CNTN5: variants seen among roughly 807,000 people sequenced by gnomAD.
CNTN5 encodes the protein contactin 5, also known as contactin-5.
A neutral mutation model predicts 129.1 loss-of-function variants in CNTN5; 77 were observed. The ratio of observed to expected loss-of-function variants is 0.60; its 90% confidence interval spans 0.50 to 0.72. The LOEUF (loss-of-function observed/expected upper bound fraction) is 0.72. CNTN5 is among the 30% of genes least tolerant of loss of function. CNTN5 has a pLI of 0.00. For synonymous variants in CNTN5, 509 were observed against 465.6 expected, an observed-to-expected ratio of 1.09 and a Z score of -1.20; for missense variants, 1,478 against 1,328.8, an observed-to-expected ratio of 1.11 and a Z score of -1.75.
chr11:99,040,966 T>G (rs940558414), intron 1 of CNTN5, among the ~76,000 whole-genome samples: 15 of 152,110 alleles, frequency 9.9e-5, no homozygotes, highest in African/African-American at 3.6e-4. Flanking sequence ...ATCATCAGCA[T>G]CATCATCAAC....
At chr11:99,309,764 C>T (rs942588702) in intron 1 of CNTN5, among the ~76,000 whole-genome samples, 1 of 151,926 alleles carries the variant, frequency 6.6e-6, no homozygotes, top group Admixed American at 6.6e-5. Flanking sequence ...CAATGACAGC[C>T]GTCAGTTGTT....
At chr11:99,955,784 T>G (rs931219762) in intron 7 of CNTN5, among the ~76,000 whole-genome samples, 40 of 152,112 alleles carry the variant, frequency 2.6e-4, no homozygotes, top group Non-Finnish European at 5.4e-4. Context: ...CAGGATAGTC[T>G]CGATCTCCTA....
chr11:99,648,604 T>A (rs955411534), intron 3 of CNTN5, among the ~76,000 whole-genome samples: 3 of 151,760 alleles, frequency 2.0e-5, no homozygotes, highest in Admixed American at 1.3e-4. Context: ...CAAAGAGATA[T>A]TCTCACCCTA....
chr11:99,385,027 GA>G (rs1423531646), intron 2 of CNTN5, among the ~76,000 whole-genome samples: 1 of 152,166 alleles, frequency 6.6e-6, no homozygotes, highest in African/African-American at 2.4e-5. Context: ...CTATTGGGCA[GA>G]TAATAAATGT....
intron 1 of CNTN5, among the ~76,000 whole-genome samples, chr11:99,034,873 T>A (rs1287112033): frequency 8.1e-3 from 1,089 of 133,990 alleles, no homozygotes; most frequent in African/African-American, 0.014. Flanking sequence ...GGGTGTCAGT[T>A]TTAGATCTTT....
At position 99,994,163 on chromosome 11, in the gene CNTN5, G is replaced by A. The variant is rs543105168; in HGVS notation, c.878-7871G>A. On this transcript the variant is annotated intron_variant, in intron 8 of 24. Transcript: ENST00000524871. ...CTTTGGGTCATTTTTAACGACAATG[G>A]CAACAAAAGAATGTCTTCTTTGCAA... is the stretch of plus-strand genomic sequence containing the variant. Among the ~76,000 whole-genome samples, 139 of 125,064 alleles carry A rather than the reference G, an allele frequency of 1.1e-3. 1 individual carries two copies. Among genetic ancestry groups the A allele is most frequent in the Non-Finnish European group, 1.6e-3 (100 of 61,086 alleles). 82.0% of individuals were successfully genotyped at this position (125,064 alleles called of 152,430 possible).
chr11:99,964,220 G>C (rs1233857284), intron 8 of CNTN5, among the ~76,000 whole-genome samples: 1 of 151,242 alleles, frequency 6.6e-6, no homozygotes, highest in Non-Finnish European at 1.5e-5. Context: ...GGTGAGAGAG[G>C]GCATCCCTGT....
chr11:100,207,239 T>C (rs1026992923), intron 15 of CNTN5, among the ~76,000 whole-genome samples: 6 of 152,128 alleles, frequency 3.9e-5, no homozygotes, highest in Non-Finnish European at 8.8e-5. Flanking sequence ...ACTTAATAAA[T>C]AGGTATGTCA....
intron 8 of CNTN5, among the ~76,000 whole-genome samples, chr11:99,990,430 C>T (rs891611139): frequency 7.4e-6 from 1 of 134,334 alleles, no homozygotes; most frequent in African/African-American, 3.0e-5. Flanking sequence ...TTATTGGCTT[C>T]CCTTATTTTT....
chr11:100,016,980 TA>T (rs1940856584), intron 9 of CNTN5, among the ~76,000 whole-genome samples: 1 of 151,870 alleles, frequency 6.6e-6, no homozygotes, highest in Admixed American at 6.6e-5. Flanking sequence ...CAATAGATTT[TA>T]AAAAGATAGT....
At chr11:100,159,905 A>C (rs1288029100) in intron 13 of CNTN5, among the ~76,000 whole-genome samples, 1 of 151,852 alleles carries the variant, frequency 6.6e-6, no homozygotes, top group Non-Finnish European at 1.5e-5. Context: ...TGTGAAGTGC[A>C]CTCACTTTAT....
chr11:99,527,551 A>T (rs1219811037), intron 2 of CNTN5, among the ~76,000 whole-genome samples: 4 of 152,216 alleles, frequency 2.6e-5, no homozygotes, highest in African/African-American at 9.6e-5. Flanking sequence ...GAAGAAAAAT[A>T]GAGCAACTTC....
chr11:99,529,077 A>G (rs1947600665), intron 2 of CNTN5, among the ~76,000 whole-genome samples: 1 of 150,704 alleles, frequency 6.6e-6, no homozygotes, highest in South Asian at 2.1e-4. Context: ...CTGAGTCTCA[A>G]AAAACAAACA....
intron 8 of CNTN5, among the ~76,000 whole-genome samples, chr11:99,960,014 C>G (rs1293040908): frequency 6.6e-6 from 1 of 152,132 alleles, no homozygotes; most frequent in Non-Finnish European, 1.5e-5. Context: ...CTCACCTCTC[C>G]CTGCCACTAA....
At chr11:99,981,700 G>A (rs1938359348) in intron 8 of CNTN5, among the ~76,000 whole-genome samples, 1 of 152,188 alleles carries the variant, frequency 6.6e-6, no homozygotes, top group Admixed American at 6.5e-5. Flanking sequence ...TAGAAGTTTT[G>A]TGATGTCTTC....
chr11:99,780,958 AC>A (rs1945290352), intron 3 of CNTN5, among the ~76,000 whole-genome samples: 1 of 152,036 alleles, frequency 6.6e-6, no homozygotes, highest in Admixed American at 6.6e-5. Context: ...TGCTGGAAAC[AC>A]ACGTGGCATC....
At chr11:99,106,617 T>C (rs1305679878) in intron 1 of CNTN5, among the ~76,000 whole-genome samples, 1 of 152,108 alleles carries the variant, frequency 6.6e-6, no homozygotes, top group African/African-American at 2.4e-5. Flanking sequence ...CATATATGTG[T>C]ATATGTCACA....
intron 1 of CNTN5, among the ~76,000 whole-genome samples, chr11:99,044,307 A>G (rs1336835998): frequency 6.6e-6 from 1 of 151,882 alleles, no homozygotes; most frequent in African/African-American, 2.4e-5. Flanking sequence ...ATAAGTCCCA[A>G]AAAGCCAGTT....
intron 3 of CNTN5, among the ~76,000 whole-genome samples, chr11:99,708,951 A>G (rs1954862073): frequency 6.6e-6 from 1 of 151,782 alleles, no homozygotes; most frequent in Non-Finnish European, 1.5e-5. Context: ...GAATCTCCTC[A>G]CTAATACCTA....
Sources: gnomAD v4.1 joint callset for allele counts (sites outside exome capture counted in the v4.1 genomes callset) on GRCh38, gnomAD v4.1.1 for gene constraint, MANE v1.5 for transcripts, NCBI Gene and HGNC (gene_info 2026-07-23, HGNC 2026-07-21) for gene names.